The following NR3C1 variants were observed in gnomAD, a reference collection of about 807,000 sequenced individuals.
NR3C1 encodes the protein glucocorticoid receptor.
Under a neutral mutation model 74.0 loss-of-function variants are expected in NR3C1, and 14 were observed. That is an observed-to-expected ratio of 0.19 (90% confidence interval 0.12 to 0.30). The LOEUF (loss-of-function observed/expected upper bound fraction) is 0.30. Among genes scored for constraint, NR3C1 ranks in the 10% least tolerant of loss-of-function variants. NR3C1 has a pLI of 1.00. For synonymous variants in NR3C1, 308 were observed against 332.5 expected (o/e 0.93, Z 0.80); for missense variants, 695 against 909.8 (o/e 0.76, Z 3.04).
intron 1 of NR3C1, 73 bp from the exon 2 acceptor site, chr5:143,400,925 T>C (rs976658489): frequency 2.7e-6 from 3 of 1,127,454 alleles, no homozygotes; most frequent in Non-Finnish European, 3.9e-6. Context: ...CTGATCCGAT[T>C]AGTAAGAGGC....
intron 1 of NR3C1, among the ~76,000 whole-genome samples, chr5:143,422,013 T>A (rs1384620878): frequency 6.6e-6 from 1 of 152,158 alleles, no homozygotes. Context: ...GTTCACTGCT[T>A]CATCAGGTCT....
chr5:143,282,137 T>G, intron 8 of NR3C1, 96 bp from the exon 9 acceptor site: 18 of 1,241,334 alleles, frequency 1.5e-5, no homozygotes, highest in African/African-American at 3.0e-5. Context: ...TTATCTGGCC[T>G]AGAATATACC....
chr5:143,399,575 C>A lies in NR3C1; in HGVS notation c.1184+81G>T, dbSNP rs1445429869. On this transcript the variant is annotated intron_variant, in intron 2 of 8. Transcript: ENST00000394464. ...AAAGCACATGAATCTTTAGAGAACACATATAAATCAATGAAGATTTACATC... is the reference window on the plus strand; with the variant it reads ...AAAGCACATGAATCTTTAGAGAACAAATATAAATCAATGAAGATTTACATC... 6.5e-6 allele frequency: 7 copies of A among 1,083,848 alleles called. No homozygotes were observed. The Admixed American group carries it at 1.3e-4, about 20-fold the overall frequency. 67.1% of individuals were successfully genotyped at this position (1,083,848 alleles called of 1,614,324 possible).
At chr5:143,301,921 A>C (rs1272619320) in intron 4 of NR3C1, among the ~76,000 whole-genome samples, 3 of 152,114 alleles carry the variant, frequency 2.0e-5, no homozygotes, top group African/African-American at 7.2e-5. Context: ...ATTGTGTTCT[A>C]TACTAAATGG....
At chr5:143,311,796 T>G (rs1045284300) in intron 3 of NR3C1, among the ~76,000 whole-genome samples, 4 of 150,592 alleles carry the variant, frequency 2.7e-5, no homozygotes, top group Non-Finnish European at 5.9e-5. Flanking sequence ...ACGTTTTTTT[T>G]TTTTTTTTTT....
chr5:143,293,663 T>G (rs995796159), intron 7 of NR3C1, among the ~76,000 whole-genome samples: 1 of 152,210 alleles, frequency 6.6e-6, no homozygotes, highest in Non-Finnish European at 1.5e-5. Flanking sequence ...ACTTAGTTCT[T>G]AATTTTTTTA....
intron 1 of NR3C1, chr5:143,402,827 G>A (rs1644510686): frequency 1.8e-5 from 18 of 985,468 alleles, no homozygotes; most frequent in Non-Finnish European, 2.2e-5. Context: ...ACGCGGCTTA[G>A]CGTTCACCAC....
intron 1 of NR3C1, among the ~76,000 whole-genome samples, chr5:143,431,114 A>G (rs1422240668): frequency 2.0e-5 from 3 of 152,168 alleles, no homozygotes; most frequent in Non-Finnish European, 4.4e-5. Flanking sequence ...TTCTGGGGCC[A>G]CAGGGGTACA....
At chr5:143,378,092 A>G (rs1835539826) in intron 2 of NR3C1, among the ~76,000 whole-genome samples, 1 of 152,100 alleles carries the variant, frequency 6.6e-6, no homozygotes, top group African/African-American at 2.4e-5. Context: ...TCTACAAAAG[A>G]TTTAAAAAAT....
chr5:143,402,852 G>C, intron 1 of NR3C1: 1 of 983,410 alleles, frequency 1.0e-6, no homozygotes, highest in Non-Finnish European at 1.2e-6. Context: ...ACGGGTGTCG[G>C]GCGACCCCCT....
intron 7 of NR3C1, among the ~76,000 whole-genome samples, chr5:143,284,772 G>A (rs1813960235): frequency 6.6e-6 from 1 of 151,968 alleles, no homozygotes; most frequent in African/African-American, 2.4e-5. Context: ...ATGATCCCTA[G>A]GAAAAGAGAA....
intron 4 of NR3C1, among the ~76,000 whole-genome samples, chr5:143,308,623 C>G (rs1449430646): frequency 6.6e-6 from 1 of 152,078 alleles, no homozygotes; most frequent in African/African-American, 2.4e-5. Flanking sequence ...ATGTCTCTGC[C>G]CTTATTTTTC....
intron 1 of NR3C1, chr5:143,402,614 C>G: frequency 1.0e-6 from 1 of 985,486 alleles, no homozygotes; most frequent in Non-Finnish European, 1.2e-6. Flanking sequence ...GTTGAGTTCT[C>G]TCTCCGACAC....
upstream of NR3C1, chr5:143,404,318 C>A: frequency 1.0e-6 from 1 of 985,664 alleles, no homozygotes; most frequent in Non-Finnish European, 1.2e-6. Flanking sequence ...CGGCCTGACA[C>A]GCCCTCTGGG....
chr5:143,344,573 GA>G (rs35335992), intron 2 of NR3C1, among the ~76,000 whole-genome samples: 37 of 149,770 alleles, frequency 2.5e-4, no homozygotes, highest in Non-Finnish European at 4.0e-4. Flanking sequence ...ACGTTGATGA[GA>G]AAAAAAAAAT....
At chr5:143,412,572 G>A (rs1424404686) in intron 1 of NR3C1, among the ~76,000 whole-genome samples, 1 of 152,054 alleles carries the variant, frequency 6.6e-6, no homozygotes, top group African/African-American at 2.4e-5. Flanking sequence ...CCTACCAAAA[G>A]CCACCCTATT....
chr5:143,406,741 G>A (rs553189249), upstream of NR3C1, among the ~76,000 whole-genome samples: 8 of 152,314 alleles, frequency 5.3e-5, no homozygotes, highest in South Asian at 1.5e-3. Context: ...TGCATTAAGA[G>A]AGGAATTAGA....
At chr5:143,390,031 G>T (rs1284201681) in intron 2 of NR3C1, 15 of 524,356 alleles carry the variant, frequency 2.9e-5, no homozygotes, top group Non-Finnish European at 2.9e-5. Context: ...TTGTCACAAA[G>T]AAATTCTAAG....
intron 4 of NR3C1, among the ~76,000 whole-genome samples, chr5:143,304,069 A>G (rs2151573710): frequency 6.6e-6 from 1 of 152,244 alleles, no homozygotes; most frequent in East Asian, 1.9e-4. Flanking sequence ...CCTAGTCAGA[A>G]CAATCAGGTA....
Sources: allele counts gnomAD v4.1 joint callset (sites outside exome capture counted in the v4.1 genomes callset), GRCh38; gene constraint gnomAD v4.1.1; transcripts MANE v1.5; gene names NCBI Gene and HGNC (gene_info 2026-07-23, HGNC 2026-07-21).